The following QPCT variants were observed in gnomAD, a reference collection of about 807,000 sequenced individuals.
The protein encoded by QPCT is glutaminyl-peptide cyclotransferase.
A neutral mutation model predicts 43.4 loss-of-function variants in QPCT; 44 were observed. The observed-to-expected ratio is 1.01, with a 90% CI of 0.80 to 1.30. The LOEUF (loss-of-function observed/expected upper bound fraction) is 1.30. QPCT is among the 50% of genes most tolerant of loss of function. QPCT has a pLI of 0.00. For missense variants in QPCT, 526 were observed against 436.5 expected, an observed-to-expected ratio of 1.21 and a Z score of -1.83; for synonymous variants, 168 against 168.4, an observed-to-expected ratio of 1.00 and a Z score of 0.02.
intron 1 of QPCT, among the ~76,000 whole-genome samples, chr2:37,351,670 T>C (rs868179758): frequency 1.3e-5 from 2 of 151,976 alleles, no homozygotes; most frequent in South Asian, 2.1e-4. Context: ...TCACCTGAGG[T>C]TGGGAGTTTG....
intron 4 of QPCT, among the ~76,000 whole-genome samples, 166 bp from the exon 5 acceptor site, chr2:37,369,519 A>C (rs1438134557): frequency 6.6e-6 from 1 of 152,230 alleles, no homozygotes; most frequent in Non-Finnish European, 1.5e-5. Flanking sequence ...GAGTTCTCCA[A>C]AATAATTAGC....
At chr2:37,370,170 G>A (rs1364032232) in intron 5 of QPCT, among the ~76,000 whole-genome samples, 1 of 152,044 alleles carries the variant, frequency 6.6e-6, no homozygotes, top group East Asian at 1.9e-4. Context: ...GGGTGACAGG[G>A]TGAGGCGCCA....
intron 1 of QPCT, among the ~76,000 whole-genome samples, chr2:37,347,225 A>G (rs1439727072): frequency 7.2e-5 from 5 of 69,672 alleles, no homozygotes; most frequent in African/African-American, 2.4e-4. Context: ...TAACATATAT[A>G]TATAACATAT....
At chr2:37,360,316 T>C (rs1672836897) in intron 3 of QPCT, among the ~76,000 whole-genome samples, 1 of 152,188 alleles carries the variant, frequency 6.6e-6, no homozygotes, top group African/African-American at 2.4e-5. Flanking sequence ...AATTCAGACC[T>C]ATCAAGATGA....
At chr2:37,345,149 C>T (rs887729792) in intron 1 of QPCT, among the ~76,000 whole-genome samples, 1 of 152,144 alleles carries the variant, frequency 6.6e-6, no homozygotes. Context: ...GTCTCGCCGG[C>T]GGCTGCTGAG....
Position 37,359,730 on chromosome 2 carries a change from C to T in QPCT, c.418C>T (p.His140Tyr). The change falls in exon 3 of 7, where the codon CAC becomes TAC. Residue 140 changes from histidine to tyrosine, a missense_variant. Coordinates refer to ENST00000338415, the MANE Select transcript of QPCT (RefSeq NM_012413.4). ...TAKRHLVLAC[H>Y]YDSKYFSHWN... ...TAAACGACATTTGGTCCTCGCCTGC[C>T]ACTATGACTCCAAGTATTTTTCCCA... 2 of 1,614,126 alleles carry T rather than the reference C, an allele frequency of 1.2e-6. No homozygotes were observed. The highest frequency in any genetic ancestry group is 1.7e-6 in the Non-Finnish European group (2 of 1,180,004).
chr2:37,360,169 G>C, intron 3 of QPCT: 1 of 331,254 alleles, frequency 3.0e-6, no homozygotes, highest in Non-Finnish European at 5.6e-6. Context: ...TATGAGAATT[G>C]TGTTTTATAA....
chr2:37,350,448 A>C (rs1672596537), intron 1 of QPCT, among the ~76,000 whole-genome samples: 1 of 152,188 alleles, frequency 6.6e-6, no homozygotes, highest in African/African-American at 2.4e-5. Context: ...GTACCAAGGG[A>C]TTTAAAGCCT....
chr2:37,359,906 T>G (rs750095289), intron 3 of QPCT, 48 bp downstream of exon 3: 2 of 1,554,388 alleles, frequency 1.3e-6, no homozygotes, highest in Non-Finnish European at 1.8e-6. Context: ...ACATTAACAG[T>G]AACTCAGAGT....
rs200585577 is a variant in QPCT at position 37,367,380 on chromosome 2, C to T, written c.695C>T (p.Ala232Val). The T allele has an allele frequency of 3.2e-5, 52 of 1,613,768 alleles. No individual in the cohort carries two copies. Among genetic ancestry groups the T allele is most frequent in the South Asian group, 5.5e-5 (5 of 91,050 alleles). The change falls in exon 4 of 7, where the codon GCG becomes GTG. Residue 232 changes from alanine to valine, a missense_variant. Ala to Val is a moderately conservative substitution (Grantham distance 64). Transcript: ENST00000338415. ...KMASTPHPPG[A>V]RGTSQLHGMD... ...GCATCGACCCCGCACCCACCTGGAG[C>T]GAGAGGCACCAGCCAACTGCATGGC... is the stretch of plus-strand genomic sequence containing the variant.
At chr2:37,365,149 T>C (rs571011720) in intron 3 of QPCT, among the ~76,000 whole-genome samples, 1 of 151,720 alleles carries the variant, frequency 6.6e-6, no homozygotes, top group South Asian at 2.1e-4. Flanking sequence ...CAAGAAGAGA[T>C]ATCAAGACAG....
At chr2:37,345,113 G>T (rs1040468473) in intron 1 of QPCT, among the ~76,000 whole-genome samples, 1 of 152,158 alleles carries the variant, frequency 6.6e-6, no homozygotes, top group Non-Finnish European at 1.5e-5. Flanking sequence ...CGGTCTGATG[G>T]GGGTGCTGAT....
At chr2:37,368,296 A>C (rs1219248920) in intron 4 of QPCT, 3 of 237,210 alleles carry the variant, frequency 1.3e-5, no homozygotes, top group Admixed American at 5.3e-5. Flanking sequence ...TCCTGGGCCC[A>C]CACTCCATCC....
chr2:37,365,959 G>T (rs1466884230), intron 3 of QPCT, among the ~76,000 whole-genome samples: 1 of 152,198 alleles, frequency 6.6e-6, no homozygotes, highest in East Asian at 1.9e-4. Flanking sequence ...CTCTGGTGAG[G>T]TTTAGCTGCA....
chr2:37,344,672 G>C lies in QPCT; in HGVS notation c.-60G>C, dbSNP rs1672440003. 6.5e-7 allele frequency: 1 copy of C among 1,544,376 alleles called. No individual in the cohort carries two copies. Among genetic ancestry groups the C allele is most frequent in the Non-Finnish European group, 8.7e-7 (1 of 1,146,978 alleles). ...AGAAGAGGGAAGGCGAAGGACGCGC[G>C]TTCCCGGGCTCGTGACCGCCAGCGG... On this transcript the variant is annotated 5_prime_UTR_variant, in exon 1 of 7. Transcript: ENST00000338415.
intron 2 of QPCT, among the ~76,000 whole-genome samples, chr2:37,359,182 T>C (rs1321717246): frequency 6.6e-6 from 1 of 151,718 alleles, no homozygotes; most frequent in Non-Finnish European, 1.5e-5. Context: ...GAGAGTAATA[T>C]AAAAAGTAGG....
At chr2:37,354,777 G>GA (rs998868846) in intron 2 of QPCT, among the ~76,000 whole-genome samples, 3 of 151,920 alleles carry the variant, frequency 2.0e-5, no homozygotes, top group Admixed American at 2.0e-4. Flanking sequence ...TTCCTTGTTA[G>GA]AAAAAAATCT....
chr2:37,355,074 A>G (rs1431865535), intron 2 of QPCT, among the ~76,000 whole-genome samples: 1 of 152,186 alleles, frequency 6.6e-6, no homozygotes, highest in Non-Finnish European at 1.5e-5. Flanking sequence ...CTCCACTATC[A>G]TATGGGGGTG....
chr2:37,364,503 T>C (rs1347013656), intron 3 of QPCT, among the ~76,000 whole-genome samples: 1 of 152,150 alleles, frequency 6.6e-6, no homozygotes, highest in Non-Finnish European at 1.5e-5. Context: ...GACCACATAA[T>C]GGTGAAGACA....
Sources: gnomAD v4.1 joint callset for allele counts (sites outside exome capture counted in the v4.1 genomes callset) on GRCh38, gnomAD v4.1.1 for gene constraint, MANE v1.5 for transcripts, NCBI Gene and HGNC (gene_info 2026-07-23, HGNC 2026-07-21) for gene names.